The following RALGAPB variants were observed in gnomAD, a reference collection of about 807,000 sequenced individuals.
RALGAPB encodes the protein ral GTPase-activating protein subunit beta.
A neutral mutation model predicts 161.1 loss-of-function variants in RALGAPB; 25 were observed. The ratio of observed to expected loss-of-function variants is 0.16; its 90% confidence interval spans 0.11 to 0.22. The LOEUF (loss-of-function observed/expected upper bound fraction) is 0.22. Among genes scored for constraint, RALGAPB ranks in the 10% least tolerant of loss-of-function variants. The probability of loss-of-function intolerance (pLI) is 1.00; values close to 1 mark genes in which losing one functional copy is unlikely to be tolerated. For missense variants in RALGAPB, 1,391 were observed against 1,815.2 expected (o/e 0.77, Z 4.25); for synonymous variants, 629 against 626.1 (o/e 1.00, Z -0.07).
At chr20:38,479,936 A>G (rs186776581) in intron 1 of RALGAPB, among the ~76,000 whole-genome samples, 1 of 151,690 alleles carries the variant, frequency 6.6e-6, no homozygotes, top group African/African-American at 2.4e-5. Context: ...CTTTAATGGA[A>G]ATTTAGTTCC....
Position 38,496,209 on chromosome 20 carries a change from G to C in RALGAPB, c.390-1144G>C, listed in dbSNP as rs138145621. 2.1e-3 allele frequency among the ~76,000 whole-genome samples: 322 copies of C among 152,218 alleles called. 1 individual carries two copies. The highest frequency in any genetic ancestry group is 7.3e-3 in the African/African-American group (303 of 41,532). ...TTTCTCATCATTTTGCTTTAGGTCT[G>C]ACTTCTTTAGGGAAAACTTAGTGGT... On this transcript the variant is annotated intron_variant, in intron 3 of 29. Transcript: ENST00000262879.
chr20:38,516,188 A>G lies in RALGAPB; in HGVS notation c.873-4A>G, dbSNP rs1180216614. ...GTGATTAATTCTTTCCTCTCTTTTAATAGTAATCCTGTGGATTTGAGTAAC... is the reference window on the plus strand; with the variant it reads ...GTGATTAATTCTTTCCTCTCTTTTAGTAGTAATCCTGTGGATTTGAGTAAC... On this transcript the variant is annotated splice_polypyrimidine_tract_variant and splice_region_variant and intron_variant, in intron 6 of 29. Transcript: ENST00000262879. The G allele has an allele frequency of 6.4e-7, 1 of 1,572,644 alleles. No individual in the cohort carries two copies. The highest frequency in any genetic ancestry group is 8.7e-7 in the Non-Finnish European group (1 of 1,155,176).
At chr20:38,526,871 A>G (rs1407117533) in intron 13 of RALGAPB, among the ~76,000 whole-genome samples, 1 of 152,232 alleles carries the variant, frequency 6.6e-6, no homozygotes, top group African/African-American at 2.4e-5. Context: ...TTGGGTAAAC[A>G]GCAATGTATT....
chr20:38,476,079 G>A (rs2084794809), intron 1 of RALGAPB, among the ~76,000 whole-genome samples: 1 of 152,178 alleles, frequency 6.6e-6, no homozygotes, highest in Non-Finnish European at 1.5e-5. Flanking sequence ...ATCAGATAGG[G>A]ACACAGTATC....
chr20:38,548,938 T>TAGG, intron 20 of RALGAPB, 143 bp downstream of exon 20: 1 of 656,914 alleles, frequency 1.5e-6, no homozygotes, highest in South Asian at 2.0e-5. Context: ...CAGAATCATC[T>TAGG]AGGAACCTAG....
rs1418388226 is a variant in RALGAPB, at chr20:38,497,430, C to G, written c.467C>G (p.Ser156Cys). 3.1e-6 allele frequency: 5 copies of G among 1,613,926 alleles called. No individual in the cohort carries two copies. Among genetic ancestry groups the G allele is most frequent in the South Asian group, 1.1e-5 (1 of 91,082 alleles). The change falls in exon 4 of 30, where the codon TCT (serine) becomes TGT (cysteine). Residue 156 changes from serine (S) to cysteine (C), a missense_variant. Ser to Cys is a moderately radical substitution (Grantham distance 112). Transcript: ENST00000262879. ...RAIQKLARES[S>C]LMARETWEVL... ...ATTCAGAAACTGGCCCGTGAGTCAT[C>G]TCTCATGGCCCGAGAAACTTGGGAA... is the stretch of plus-strand genomic sequence containing the variant.
chr20:38,533,061 G>A (rs184059462), intron 15 of RALGAPB, among the ~76,000 whole-genome samples: 1 of 152,180 alleles, frequency 6.6e-6, no homozygotes, highest in African/African-American at 2.4e-5. Flanking sequence ...TATTAGATTT[G>A]GGGTAGTATA....
At chr20:38,549,547 A>T (rs35777308) in intron 20 of RALGAPB, among the ~76,000 whole-genome samples, 30,969 of 126,826 alleles carry the variant, frequency 0.24, 4,690 homozygotes, top group African/African-American at 0.46. Flanking sequence ...AAAAAAAAAA[A>T]AAATATATAT....
intron 23 of RALGAPB, among the ~76,000 whole-genome samples, chr20:38,561,247 C>A (rs2087775462): frequency 6.6e-6 from 1 of 152,204 alleles, no homozygotes. Context: ...TGGCGTGAAC[C>A]CGGGAGGTGG....
intron 21 of RALGAPB, 69 bp from the exon 22 acceptor site, chr20:38,553,798 A>AAC (rs1360182346): frequency 5.4e-6 from 5 of 919,428 alleles, no homozygotes; most frequent in Admixed American, 2.9e-5. Flanking sequence ...AAAAAAAAAA[A>AAC]AAACACTTAA....
At chr20:38,555,195 C>G (rs1046887086) in intron 22 of RALGAPB, among the ~76,000 whole-genome samples, 2 of 152,174 alleles carry the variant, frequency 1.3e-5, no homozygotes, top group African/African-American at 2.4e-5. Flanking sequence ...GGAATTTACT[C>G]TAAGTCCTGT....
intron 11 of RALGAPB, 140 bp downstream of exon 11, chr20:38,525,085 T>G: frequency 2.3e-6 from 2 of 871,700 alleles, no homozygotes; most frequent in Non-Finnish European, 3.6e-6. Context: ...ATGAGTGTAG[T>G]GTGTCCAAAC....
At position 38,517,921 on chromosome 20, in the gene RALGAPB, C is replaced by T; in HGVS notation, c.1338C>T (p.Leu446=). The change falls in exon 9 of 30, where the codon CTC becomes CTT. Residue 446 remains leucine (L), a synonymous_variant. Transcript: ENST00000262879. The part of the protein sequence containing the change: ...RRPKVNSILN[L]FGSWLFDAAF... Reference sequence around the variant, plus strand: ...CAAAGGTTAACAGCATCTTGAATCTCTTTGGATCATGGTTATTTGATGCAG... The same window carrying T: ...CAAAGGTTAACAGCATCTTGAATCTTTTTGGATCATGGTTATTTGATGCAG... 1 of 1,614,124 alleles carries T rather than the reference C, an allele frequency of 6.2e-7. No individual in the cohort carries two copies. The highest frequency in any genetic ancestry group is 8.5e-7 in the Non-Finnish European group (1 of 1,179,980).
chr20:38,573,421 G>T (rs1186301332), intron 28 of RALGAPB, among the ~76,000 whole-genome samples: 2 of 151,980 alleles, frequency 1.3e-5, no homozygotes, highest in Admixed American at 6.6e-5. Context: ...ACCCCAACAT[G>T]TAGCATCACA....
rs190724710 is a variant in RALGAPB, at chr20:38,488,762, A to T, written c.186+144A>T. The T allele has an allele frequency of 1.3e-3, 974 of 762,868 alleles. 1 individual carries two copies. Among genetic ancestry groups the T allele is most frequent in the Non-Finnish European group, 1.4e-3 (700 of 488,474 alleles). 47.3% of individuals were successfully genotyped at this position (762,868 alleles called of 1,614,324 possible). ...CAACTTTTTAATGGATTTCTCCCCA[A>T]CGTAGTATGACTTCTCAATTTTGAT... is the stretch of plus-strand genomic sequence containing the variant. On this transcript the variant is annotated intron_variant, in intron 2 of 29. Coordinates refer to ENST00000262879, the MANE Select transcript of RALGAPB (RefSeq NM_020336.4).
chr20:38,512,879 C>T (rs1179465049), intron 6 of RALGAPB, among the ~76,000 whole-genome samples: 1 of 152,184 alleles, frequency 6.6e-6, no homozygotes, highest in East Asian at 1.9e-4. Context: ...TCTGCCTCAG[C>T]CTCCTGAGTA....
rs928909442 is a variant in RALGAPB at position 38,566,959 on chromosome 20, AG to A, written c.3818-136del. 16 of 1,407,718 alleles carry A rather than the reference AG, an allele frequency of 1.1e-5. No homozygotes were observed. The African/African-American group carries it at 2.0e-4, about 18-fold the overall frequency. The allele number at this position is 1,407,718 out of a possible 1,614,324, so 87.2% of individuals were successfully genotyped here. ...TAGTACTTGATCCTTTACAGAAAAAAGTTTGTCAGCCCTTGCTCTCGAAGCA... is the reference window on the plus strand; with the variant it reads ...TAGTACTTGATCCTTTACAGAAAAAATTTGTCAGCCCTTGCTCTCGAAGCA... On this transcript the variant is annotated intron_variant, in intron 25 of 29. Transcript: ENST00000262879.
chr20:38,521,918 A>G (rs1469598526), intron 10 of RALGAPB, among the ~76,000 whole-genome samples: 5 of 152,170 alleles, frequency 3.3e-5, no homozygotes, highest in Non-Finnish European at 7.4e-5. Flanking sequence ...ATGTCATCTT[A>G]TTTGAATCTT....
rs139821414 is a variant in RALGAPB, at chr20:38,514,010, TTAGA to T, written c.873-2178_873-2175del. ...GTCGAGTCTTTTTTAGAGGTAGTAC[TTAGA>T]TAGTCTTTCTTCTTGAGCTGACTGT... On this transcript the variant is annotated intron_variant, in intron 6 of 29. Coordinates refer to ENST00000262879, the MANE Select transcript of RALGAPB (RefSeq NM_020336.4). 9.5e-3 allele frequency among the ~76,000 whole-genome samples: 1,447 copies of T among 152,314 alleles called. 19 individuals are homozygous for T. The highest frequency in any genetic ancestry group is 0.032 in the African/African-American group (1,347 of 41,568).
Sources: allele counts gnomAD v4.1 joint callset (sites outside exome capture counted in the v4.1 genomes callset), GRCh38; gene constraint gnomAD v4.1.1; transcripts MANE v1.5; gene names NCBI Gene and HGNC (gene_info 2026-07-23, HGNC 2026-07-21).